Variants in UPF2 observed in about 807,000 individuals in gnomAD.
UPF2 encodes UPF2 regulator of nonsense mediated mRNA decay.
UPF2 carries 17 observed loss-of-function variants against 141.4 expected under a neutral mutation model. The observed-to-expected ratio is 0.12, with a 90% CI of 0.08 to 0.18. UPF2 has a LOEUF of 0.18. Ranked by LOEUF, UPF2 falls within the 10% of genes least tolerant of loss-of-function variation. The pLI is 1.00. For missense variants in UPF2, 1,152 were observed against 1,515.9 expected (o/e 0.76, Z 3.99); for synonymous variants, 540 against 498.0 (o/e 1.08, Z -1.12).
chr10:11,999,963 T>C lies in UPF2; in HGVS notation c.1701A>G (p.Ile567Met). 6.2e-7 allele frequency: 1 copy of C among 1,613,682 alleles called. No individual in the cohort carries two copies. The highest frequency in any genetic ancestry group is 8.5e-7 in the Non-Finnish European group (1 of 1,179,888). The change falls in exon 7 of 22, where the codon ATA becomes ATG. Residue 567 changes from isoleucine to methionine, a missense_variant. Physicochemically the swap from Ile to Met is conservative, Grantham distance 10. Around this residue, in one of 4 missense-constraint regions of UPF2, gnomAD observed 739 missense variants for 1,032.2 expected, o/e 0.72. Coordinates refer to ENST00000357604, the MANE Select transcript of UPF2 (RefSeq NM_015542.4). The part of the protein sequence containing the change: ...EASTGSHLKL[I>M]VDAFLQQLPN... ...GTAACTGCTGTAGGAAAGCATCTAC[T>C]ATGAGCTTGAGATGAGATCCAGTGC...
In UPF2 at chr10:11,998,039, GGAAGAA is replaced by G. The variant is rs565207143; in HGVS notation, c.1759-288_1759-283del. 1.3e-5 allele frequency among the ~76,000 whole-genome samples: 2 copies of G among 152,146 alleles called. No homozygotes were observed. Among genetic ancestry groups the G allele is most frequent in the Non-Finnish European group, 2.9e-5 (2 of 68,018 alleles). ...AGGCACAAATTATACCCAAGAAGAT[GGAAGAA>G]GAAGAAGTGTGCCCCCACATTCACT... On this transcript the variant is annotated intron_variant, in intron 7 of 21. Transcript: ENST00000357604. This position sits in a 1 kb window ranked among gnomAD's most constrained non-coding sequence, Gnocchi z 4.5.
At chr10:12,000,209 G>C (rs969599590) in intron 6 of UPF2, among the ~76,000 whole-genome samples, 200 bp from the exon 7 acceptor site, 1 of 152,036 alleles carries the variant, frequency 6.6e-6, no homozygotes, top group African/African-American at 2.4e-5. Context: ...AGTCCTTCAG[G>C]TATCAACTAT....
Position 11,940,359 on chromosome 10 carries a change from C to T in UPF2, c.3378+2306G>A, listed in dbSNP as rs1223951102. On this transcript the variant is annotated intron_variant, in intron 18 of 21. Coordinates refer to ENST00000357604, the MANE Select transcript of UPF2 (RefSeq NM_015542.4). The surrounding 1 kb of genome is among the most constrained non-coding windows in gnomAD (Gnocchi z 4.2). ...GGTTCTTCAGGGCTCAATCCTGACC[C>T]TGCTTCTCTTCTCTGTCCACACTTT... 6.6e-6 allele frequency among the ~76,000 whole-genome samples: 1 copy of T among 152,158 alleles called. No homozygotes were observed. Among genetic ancestry groups the T allele is most frequent in the African/African-American group, 2.4e-5 (1 of 41,436 alleles).
chr10:12,013,881 T>C (rs1834173627), intron 4 of UPF2, 143 bp downstream of exon 4: 3 of 784,074 alleles, frequency 3.8e-6, no homozygotes, highest in South Asian at 4.7e-5. Context: ...GTTACAGGCA[T>C]GAGCCACCAT....
At chr10:11,945,673 G>C (rs1049415606) in intron 16 of UPF2, among the ~76,000 whole-genome samples, 3 of 152,122 alleles carry the variant, frequency 2.0e-5, no homozygotes, top group African/African-American at 4.8e-5. Context: ...AAATTATAAA[G>C]TTCATGTTTA....
chr10:11,938,853 G>GTTTTTCTTTTTTTT (rs1832889893), intron 18 of UPF2, among the ~76,000 whole-genome samples: 1 of 79,816 alleles, frequency 1.3e-5, no homozygotes, highest in African/African-American at 5.0e-5. Flanking sequence ...TTTTTTTTTT[G>GTTTTTCTTTTTTTT]TTTTTTTTTT....
chr10:11,948,274 G>A (rs567366400), intron 16 of UPF2, 95 bp downstream of exon 16: 62 of 1,044,138 alleles, frequency 5.9e-5, no homozygotes, highest in Admixed American at 3.7e-4. Flanking sequence ...AAAAAAACCA[G>A]GAGGAGGTCT....
chr10:11,948,074 C>A (rs1588532115), intron 16 of UPF2, among the ~76,000 whole-genome samples: 1 of 151,576 alleles, frequency 6.6e-6, no homozygotes, highest in East Asian at 1.9e-4. Flanking sequence ...ATGGTGAAAC[C>A]CCATCTCTAC....
At chr10:12,039,045 T>C (rs1197325245) in intron 1 of UPF2, among the ~76,000 whole-genome samples, 2 of 152,190 alleles carry the variant, frequency 1.3e-5, no homozygotes, top group Non-Finnish European at 2.9e-5. Flanking sequence ...TGTGAAAACA[T>C]CACGCCCTTA....
Position 11,936,637 on chromosome 10 carries a change from T to G in UPF2, c.3454A>C (p.Lys1152Gln). 3 of 1,613,610 alleles carry G rather than the reference T, an allele frequency of 1.9e-6. No homozygotes were observed. Among genetic ancestry groups the G allele is most frequent in the Non-Finnish European group, 2.5e-6 (3 of 1,179,792 alleles). Residue 1152 changes from lysine (K) to glutamine (Q), a missense_variant, in exon 19 of 22, where the codon AAA becomes CAA. Physicochemically the swap from Lys to Gln is moderately conservative, Grantham distance 53 (BLOSUM62 1). Coordinates refer to ENST00000357604, the MANE Select transcript of UPF2 (RefSeq NM_015542.4). The surrounding 1 kb of genome is among the most constrained non-coding windows in gnomAD (Gnocchi z 6.6). ...IPLHLKSQLR[K>Q]GPPLGGGEGE... ...TCCCCACCTCCCAGTGGGGGCCCTT[T>G]CCTCAGCTGGCTTTTGAGATGCAAA...
At position 12,019,961 on chromosome 10, in the gene UPF2, G is replaced by A. The variant is rs565823262; in HGVS notation, c.1146-5777C>T. On this transcript the variant is annotated intron_variant, in intron 3 of 21. Coordinates refer to ENST00000357604, the MANE Select transcript of UPF2 (RefSeq NM_015542.4). This position sits in a 1 kb window ranked among gnomAD's most constrained non-coding sequence, Gnocchi z 4.5. Reference sequence around the variant, plus strand: ...GCTGGCCTCAGGCTCCTGATGTCAGGTGATCTGCCCACCTCAGCCTCCCAA... The same window carrying A: ...GCTGGCCTCAGGCTCCTGATGTCAGATGATCTGCCCACCTCAGCCTCCCAA... Among the ~76,000 whole-genome samples, 32 of 152,226 alleles carry A rather than the reference G, an allele frequency of 2.1e-4. No homozygotes were observed. The highest frequency in any genetic ancestry group is 6.5e-4 in the African/African-American group (27 of 41,552).
At chr10:11,978,010 T>A (rs945213489) in intron 9 of UPF2, among the ~76,000 whole-genome samples, 1 of 152,208 alleles carries the variant, frequency 6.6e-6, no homozygotes, top group East Asian at 1.9e-4. Context: ...CATTCTCCTC[T>A]GCAAGAGACT....
chr10:12,003,040 T>C (rs1031012728), intron 5 of UPF2, among the ~76,000 whole-genome samples: 2 of 152,238 alleles, frequency 1.3e-5, no homozygotes, highest in Admixed American at 6.5e-5. Flanking sequence ...CTCTAACTAG[T>C]ATGAATCAGT....
rs1056327288 is a variant in UPF2 at position 11,959,636 on chromosome 10, T to A, written c.2185-280A>T. Among the ~76,000 whole-genome samples, 19 of 152,086 alleles carry A rather than the reference T, an allele frequency of 1.2e-4. No individual in the cohort carries two copies. Among genetic ancestry groups the A allele is most frequent in the Admixed American group, 2.6e-4 (4 of 15,262 alleles). On this transcript the variant is annotated intron_variant, in intron 11 of 21. Transcript: ENST00000357604. The surrounding 1 kb of genome is among the most constrained non-coding windows in gnomAD (Gnocchi z 5.9). ...TTAGCCAGGTGTGGTGGCGCACACCTGTAGTCCCAGCTACTTGGGAGGTTG... is the reference window on the plus strand; with the variant it reads ...TTAGCCAGGTGTGGTGGCGCACACCAGTAGTCCCAGCTACTTGGGAGGTTG...
In UPF2 at chr10:11,956,255, T is replaced by G; in HGVS notation, c.2574+65A>C. ...ATTCCTATAACTTGAGTCTCAATAG[T>G]AACCTAGAAATAATAAATTCTCCAC... On this transcript the variant is annotated intron_variant, in intron 13 of 21. Transcript: ENST00000357604. The surrounding 1 kb of genome is among the most constrained non-coding windows in gnomAD (Gnocchi z 4.2). 6.9e-7 allele frequency: 1 copy of G among 1,458,118 alleles called. No individual in the cohort carries two copies. The highest frequency in any genetic ancestry group is 9.6e-7 in the Non-Finnish European group (1 of 1,042,624). 90.3% of individuals were successfully genotyped at this position (1,458,118 alleles called of 1,614,324 possible).
At chr10:11,990,070 GA>G (rs1171223900) in intron 8 of UPF2, among the ~76,000 whole-genome samples, 1 of 151,800 alleles carries the variant, frequency 6.6e-6, no homozygotes, top group East Asian at 1.9e-4. Context: ...CATGAACTTC[GA>G]AAAAAAAGTC....
chr10:11,955,110 T>C (rs1474170078), intron 14 of UPF2, 122 bp downstream of exon 14: 1 of 948,072 alleles, frequency 1.1e-6, no homozygotes, highest in Non-Finnish European at 1.4e-6. Context: ...ATGAAGAATA[T>C]AATCTAATTA....
At chr10:12,031,277 C>T (rs1294508838) in intron 2 of UPF2, among the ~76,000 whole-genome samples, 7 of 151,622 alleles carry the variant, frequency 4.6e-5, no homozygotes, top group Admixed American at 1.3e-4. Flanking sequence ...TATGTTTGGG[C>T]TCTTAAAAAT....
chr10:12,032,036 G>A (rs937359531), intron 2 of UPF2, among the ~76,000 whole-genome samples: 8 of 152,164 alleles, frequency 5.3e-5, no homozygotes, highest in African/African-American at 1.9e-4. Flanking sequence ...GCTCACGCCT[G>A]TAATCCCAGC....
Sources: allele counts gnomAD v4.1 joint callset (sites outside exome capture counted in the v4.1 genomes callset), GRCh38; gene constraint gnomAD v4.1.1; regional missense constraint gnomAD v4.1.1; non-coding constraint Gnocchi (gnomAD v3.1); transcripts MANE v1.5; gene names NCBI Gene and HGNC (gene_info 2026-07-23, HGNC 2026-07-21).